ASAP1: variants seen among roughly 807,000 people sequenced by gnomAD.
ASAP1 encodes arf-GAP with SH3 domain, ANK repeat and PH domain-containing protein 1.
Under a neutral mutation model 145.2 loss-of-function variants are expected in ASAP1, and 43 were observed. The ratio of observed to expected loss-of-function variants is 0.30; its 90% CI spans 0.23 to 0.38. The LOEUF is 0.38. ASAP1 is among the 10% of genes least tolerant of loss of function. The pLI is 1.00. For missense variants in ASAP1, 1,018 were observed against 1,355.3 expected, an observed-to-expected ratio of 0.75 and a Z score of 3.91; for synonymous variants, 546 against 515.5, an observed-to-expected ratio of 1.06 and a Z score of -0.80.
chr8:130,151,575 G>A (rs937050614), intron 13 of ASAP1, among the ~76,000 whole-genome samples: 8 of 152,220 alleles, frequency 5.3e-5, no homozygotes, highest in South Asian at 2.1e-4. Context: ...AGACCTCTGA[G>A]GAATTCCTCC....
At chr8:130,327,569 G>C (rs1186352859) in intron 3 of ASAP1, among the ~76,000 whole-genome samples, 2 of 152,132 alleles carry the variant, frequency 1.3e-5, no homozygotes, top group East Asian at 3.8e-4. Flanking sequence ...GGGTAAAGAA[G>C]ATTAATATAA....
At chr8:130,061,216 G>A (rs1188868861) in intron 27 of ASAP1, 147 bp from the exon 28 acceptor site, 1 of 947,676 alleles carries the variant, frequency 1.1e-6, no homozygotes, top group Non-Finnish European at 1.5e-6. Context: ...GCCCACCCAG[G>A]CAGTTTTACA....
At chr8:130,210,103 T>TA (rs893859001) in intron 5 of ASAP1, among the ~76,000 whole-genome samples, 1 of 152,182 alleles carries the variant, frequency 6.6e-6, no homozygotes, top group Non-Finnish European at 1.5e-5. Flanking sequence ...AAATGGCTCT[T>TA]AAAATACTCT....
chr8:130,247,159 C>G (rs1818901411), intron 3 of ASAP1: 1 of 152,186 alleles, frequency 6.6e-6, no homozygotes, highest in East Asian at 1.9e-4. Context: ...ACACCTTTCT[C>G]ATATAATACC....
chr8:130,058,217 G>C (rs925788360), intron 28 of ASAP1, 141 bp from the exon 29 acceptor site: 2 of 888,388 alleles, frequency 2.3e-6, no homozygotes, highest in African/African-American at 1.7e-5. Context: ...AGGGCGGGAA[G>C]AAGAGTGTCT....
In ASAP1 at chr8:130,116,922, A is replaced by T. The variant is rs776005471; in HGVS notation, c.1954T>A (p.Cys652Ser). ...TTGCTCCTGAGCAAAAGCTTCAAAC[A>T]CTCAGGTTTACTGTACATACTACAG... Reference protein sequence around the residue: ...HYCSMYSKPECLKLLLRSKPT... With the variant: ...HYCSMYSKPESLKLLLRSKPT... The change falls in exon 21 of 30, where the codon TGT becomes AGT. Residue 652 changes from cysteine (C) to serine (S), a missense_variant. Around this residue, in one of 9 missense-constraint regions of ASAP1, gnomAD observed 353 missense variants for 375.4 expected, o/e 0.94. Coordinates refer to ENST00000518721, the MANE Select transcript of ASAP1 (RefSeq NM_018482.4). The T allele has an allele frequency of 1.2e-6, 2 of 1,614,050 alleles. No individual in the cohort carries two copies. Among genetic ancestry groups the T allele is most frequent in the Admixed American group, 1.7e-5 (1 of 60,012 alleles).
intron 3 of ASAP1, among the ~76,000 whole-genome samples, chr8:130,259,198 C>T (rs536318243): frequency 4.6e-5 from 7 of 152,296 alleles, no homozygotes; most frequent in Middle Eastern, 3.4e-3. Flanking sequence ...TTTTCTTCCT[C>T]TGTGCTTTGG....
At chr8:130,198,522 A>G (rs1815660794) in intron 5 of ASAP1, among the ~76,000 whole-genome samples, 1 of 152,174 alleles carries the variant, frequency 6.6e-6, no homozygotes, top group African/African-American at 2.4e-5. Flanking sequence ...AAACTGTAAG[A>G]TAATGCAGCC....
rs138473977 is a variant in ASAP1, at chr8:130,278,295, C to T, written c.187-41301G>A. Among the ~76,000 whole-genome samples the T allele has an allele frequency of 9.6e-4, 146 of 152,078 alleles. 2 individuals carry two copies. The highest frequency in any genetic ancestry group is 3.3e-3 in the African/African-American group (137 of 41,450). On this transcript the variant is annotated intron_variant, in intron 3 of 29. Coordinates refer to ENST00000518721, the MANE Select transcript of ASAP1 (RefSeq NM_018482.4). ...GATGGACACGACCAACCACAGAAAGCTGTAGTCACATCCCATAATCTAGAC... is the reference window on the plus strand; with the variant it reads ...GATGGACACGACCAACCACAGAAAGTTGTAGTCACATCCCATAATCTAGAC...
intron 25 of ASAP1, among the ~76,000 whole-genome samples, chr8:130,091,411 C>T (rs531252748): frequency 1.6e-3 from 250 of 152,224 alleles, no homozygotes; most frequent in African/African-American, 5.8e-3. Flanking sequence ...AGTGGGAGGG[C>T]CCTCAGGAGG....
intron 5 of ASAP1, 43 bp from the exon 6 acceptor site, chr8:130,188,226 G>A (rs760874675): frequency 2.7e-6 from 4 of 1,485,270 alleles, no homozygotes. Flanking sequence ...AAAAAATAAA[G>A]TCCACATGAA....
chr8:130,232,973 A>G (rs1052889401), intron 4 of ASAP1, among the ~76,000 whole-genome samples: 1 of 152,204 alleles, frequency 6.6e-6, no homozygotes, highest in African/African-American at 2.4e-5. Context: ...CTGAGCATGT[A>G]TCATGGAAAG....
intron 24 of ASAP1, among the ~76,000 whole-genome samples, chr8:130,105,090 C>A (rs1203419480): frequency 2.6e-5 from 4 of 152,032 alleles, no homozygotes; most frequent in South Asian, 2.1e-4. Context: ...TTATGTATAA[C>A]ATATTGTTTT....
At chr8:130,061,928 A>G (rs2097420493) in intron 27 of ASAP1, among the ~76,000 whole-genome samples, 1 of 152,154 alleles carries the variant, frequency 6.6e-6, no homozygotes, top group Admixed American at 6.5e-5. Flanking sequence ...TTTTAGCTCC[A>G]CCACTTACTA....
chr8:130,280,959 T>C (rs978920349), intron 3 of ASAP1, among the ~76,000 whole-genome samples: 7 of 152,196 alleles, frequency 4.6e-5, no homozygotes, highest in Non-Finnish European at 8.8e-5. Flanking sequence ...TAAATATGTT[T>C]ACAGATTCAC....
At chr8:130,345,101 A>C (rs1345597536) in intron 3 of ASAP1, among the ~76,000 whole-genome samples, 2 of 152,146 alleles carry the variant, frequency 1.3e-5, no homozygotes, top group South Asian at 4.1e-4. Context: ...CCGTTTCCTC[A>C]TCTGTCAAAT....
intron 1 of ASAP1, among the ~76,000 whole-genome samples, chr8:130,426,958 C>T (rs187766650): frequency 1.3e-3 from 194 of 152,186 alleles, no homozygotes; most frequent in African/African-American, 4.5e-3. Flanking sequence ...ACTGTTGTCC[C>T]GCCCCTAGAA....
At chr8:130,264,520 C>T (rs1820126524) in intron 3 of ASAP1, among the ~76,000 whole-genome samples, 1 of 152,246 alleles carries the variant, frequency 6.6e-6, no homozygotes, top group Non-Finnish European at 1.5e-5. Context: ...ACACCTCTGA[C>T]TGTGGAAGCC....
chr8:130,418,311 A>G (rs1829572282), intron 1 of ASAP1, among the ~76,000 whole-genome samples: 1 of 152,178 alleles, frequency 6.6e-6, no homozygotes, highest in Non-Finnish European at 1.5e-5. Flanking sequence ...GCACTTTGGG[A>G]GGGCCAGGCG....
Sources: allele counts gnomAD v4.1 joint callset (sites outside exome capture counted in the v4.1 genomes callset), GRCh38; gene constraint gnomAD v4.1.1; regional missense constraint gnomAD v4.1.1; transcripts MANE v1.5; gene names NCBI Gene and HGNC (gene_info 2026-07-23, HGNC 2026-07-21).